Variants in GNB1L observed in about 807,000 individuals in gnomAD.
GNB1L encodes guanine nucleotide-binding protein subunit beta-like protein 1.
Under a neutral mutation model 29.1 loss-of-function variants are expected in GNB1L, and 20 were observed. That is an observed-to-expected ratio of 0.69 (90% CI 0.48 to 1.00). The LOEUF (loss-of-function observed/expected upper bound fraction) is 1.00, where lower values mean the gene tolerates loss of function less well. GNB1L is among the 50% of genes least tolerant of loss of function. The probability of loss-of-function intolerance (pLI) is 0.00; values close to 1 mark genes in which losing one functional copy is unlikely to be tolerated. For missense variants in GNB1L, 421 were observed against 464.9 expected (o/e 0.91, Z 0.87); for synonymous variants, 193 against 206.5 (o/e 0.93, Z 0.56).
At chr22:19,849,655 C>T (rs1601356316) in intron 2 of GNB1L, 1 of 984,120 alleles carries the variant, frequency 1.0e-6, no homozygotes, top group East Asian at 1.1e-4. Context: ...GTGTGAGACA[C>T]TGCTCCCGGC....
chr22:19,798,890 A>G (rs898807000), intron 7 of GNB1L, among the ~76,000 whole-genome samples: 2 of 152,224 alleles, frequency 1.3e-5, no homozygotes, highest in African/African-American at 4.8e-5. Context: ...GACAGCAGCC[A>G]GGGCCCTGCA....
At chr22:19,822,636 C>G (rs955546066) in intron 2 of GNB1L, among the ~76,000 whole-genome samples, 1 of 152,222 alleles carries the variant, frequency 6.6e-6, no homozygotes, top group South Asian at 2.1e-4. Flanking sequence ...GGGGCAGGCC[C>G]CGGCCCAGCC....
chr22:19,809,775 T>G (rs988241026), intron 5 of GNB1L, among the ~76,000 whole-genome samples: 1 of 152,198 alleles, frequency 6.6e-6, no homozygotes, highest in African/African-American at 2.4e-5. Context: ...TTTCCCCATA[T>G]TAAATTGAGA....
Position 19,786,900 on chromosome 22 carries a change from G to A in GNB1L, c.*1809C>T, listed in dbSNP as rs758385376. 1.3e-5 allele frequency: 2 copies of A among 152,210 alleles called. No individual in the cohort carries two copies. The highest frequency in any genetic ancestry group is 4.8e-5 in the African/African-American group (2 of 41,412). The allele number at this position is 152,210 out of a possible 1,614,324, so 9.4% of individuals were successfully genotyped here. A position where few individuals can be genotyped will look rare whatever the true frequency, so the allele number is the denominator to read the frequency against. ...GCATCCTGGCGGCTATAGGACACTCGAGGAAAAGCAGCAGGGCCCCCCTCT... is the reference window on the plus strand; with the variant it reads ...GCATCCTGGCGGCTATAGGACACTCAAGGAAAAGCAGCAGGGCCCCCCTCT... On this transcript the variant is annotated 3_prime_UTR_variant, in exon 8 of 8. Coordinates refer to ENST00000329517, the MANE Select transcript of GNB1L (RefSeq NM_053004.3).
chr22:19,818,884 A>G lies in GNB1L; in HGVS notation c.254+1714T>C, dbSNP rs143901416. On this transcript the variant is annotated intron_variant, in intron 4 of 7. Coordinates refer to ENST00000329517, the MANE Select transcript of GNB1L (RefSeq NM_053004.3). The stretch of plus-strand genomic sequence containing the variant: ...CCTGCTCCAGCATCCAGGCAGCCCA[A>G]AGGAGGACTTGTTGTCAGCCCCCTG... Among the ~76,000 whole-genome samples, 3 of 152,198 alleles carry G rather than the reference A, an allele frequency of 2.0e-5. No individual in the cohort carries two copies. In the East Asian group the frequency reaches 5.8e-4, roughly 29 times the overall value.
intron 4 of GNB1L, among the ~76,000 whole-genome samples, chr22:19,817,752 G>A (rs953866970): frequency 6.6e-6 from 1 of 152,236 alleles, no homozygotes; most frequent in African/African-American, 2.4e-5. Context: ...CAGCAGCTCA[G>A]GGATTCAGAG....
intron 6 of GNB1L, among the ~76,000 whole-genome samples, chr22:19,804,478 A>G (rs951827336): frequency 6.6e-6 from 1 of 152,254 alleles, no homozygotes; most frequent in African/African-American, 2.4e-5. Flanking sequence ...CCTTTTATAT[A>G]TTAATAGCAA....
rs549025524 is a variant in GNB1L at position 19,838,459 on chromosome 22, A to T, written c.-21+15984T>A. On this transcript the variant is annotated intron_variant, in intron 2 of 7. Coordinates refer to ENST00000329517, the MANE Select transcript of GNB1L (RefSeq NM_053004.3). ...GAGTATGGCAGTTTCTTATTTATTTATTTTTTTATTTTTATTTTTATTTTT... is the reference window on the plus strand; with the variant it reads ...GAGTATGGCAGTTTCTTATTTATTTTTTTTTTTATTTTTATTTTTATTTTT... Among the ~76,000 whole-genome samples, 26 of 146,750 alleles carry T rather than the reference A, an allele frequency of 1.8e-4. No individual in the cohort carries two copies. The East Asian group carries it at 2.8e-3, about 16-fold the overall frequency.
Position 19,784,284 on chromosome 22 carries a change from G to C in GNB1L, c.*4425C>G, listed in dbSNP as rs1368183840. The stretch of plus-strand genomic sequence containing the variant: ...ATCATTGCCTGGGGAGTGGAGACAC[G>C]CACAGCACGTCAACATGGAGCGCCC... On this transcript the variant is annotated 3_prime_UTR_variant, in exon 8 of 8. Transcript: ENST00000329517. 1 of 152,208 alleles carries C rather than the reference G, an allele frequency of 6.6e-6. No individual in the cohort carries two copies. Among genetic ancestry groups the C allele is most frequent in the Admixed American group, 6.5e-5 (1 of 15,286 alleles). 9.4% of individuals were successfully genotyped at this position (152,208 alleles called of 1,614,324 possible). A position where few individuals can be genotyped will look rare whatever the true frequency, so the allele number is the denominator to read the frequency against.
intron 7 of GNB1L, among the ~76,000 whole-genome samples, chr22:19,791,624 G>A (rs1337076233): frequency 6.6e-6 from 1 of 152,186 alleles, no homozygotes; most frequent in African/African-American, 2.4e-5. Context: ...GTCTGAGGGG[G>A]TCCCTATGAG....
At chr22:19,794,800 G>T (rs1307255727) in intron 7 of GNB1L, among the ~76,000 whole-genome samples, 1 of 152,124 alleles carries the variant, frequency 6.6e-6, no homozygotes, top group Non-Finnish European at 1.5e-5. Context: ...GGACAACATG[G>T]TGAAACCCTG....
At chr22:19,839,618 C>T (rs1204443695) in intron 2 of GNB1L, among the ~76,000 whole-genome samples, 1 of 151,988 alleles carries the variant, frequency 6.6e-6, no homozygotes, top group Non-Finnish European at 1.5e-5. Context: ...ATGGCTCACA[C>T]CTGTAATCCC....
At chr22:19,851,452 G>T in intron 2 of GNB1L, 1 of 1,614,110 alleles carries the variant, frequency 6.2e-7, no homozygotes, top group East Asian at 2.2e-5. Context: ...GCAGGACTGG[G>T]GGCTCCTTGG....
chr22:19,793,978 GT>G (rs1316071538), intron 7 of GNB1L, among the ~76,000 whole-genome samples: 6 of 151,816 alleles, frequency 4.0e-5, no homozygotes, highest in South Asian at 4.2e-4. Context: ...TTTCTTGTAA[GT>G]TTTTTTTTAA....
At chr22:19,846,565 G>A (rs540530746) in intron 2 of GNB1L, 4 of 985,308 alleles carry the variant, frequency 4.1e-6, no homozygotes, top group African/African-American at 1.7e-5. Flanking sequence ...AGCCTATCGC[G>A]GGCACCGCTG....
intron 2 of GNB1L, among the ~76,000 whole-genome samples, chr22:19,836,724 A>G (rs1937770151): frequency 6.6e-6 from 1 of 152,232 alleles, no homozygotes; most frequent in Non-Finnish European, 1.5e-5. Flanking sequence ...AATACACTGG[A>G]GCCAACTGGC....
intron 2 of GNB1L, among the ~76,000 whole-genome samples, chr22:19,827,003 G>A (rs1181805062): frequency 4.6e-5 from 7 of 152,136 alleles, no homozygotes; most frequent in Non-Finnish European, 1.0e-4. Context: ...AAAGGGGCAT[G>A]ATGACCAAAC....
chr22:19,793,522 G>C (rs955609885), intron 7 of GNB1L, among the ~76,000 whole-genome samples: 1 of 152,066 alleles, frequency 6.6e-6, no homozygotes, highest in African/African-American at 2.4e-5. Context: ...AGAAACAGTG[G>C]CTGGATATTT....
chr22:19,851,985 T>A, intron 2 of GNB1L: 1 of 1,614,170 alleles, frequency 6.2e-7, no homozygotes, highest in Non-Finnish European at 8.5e-7. Context: ...AAGTCCACCC[T>A]GTGGGGTCGG....
Sources: gnomAD v4.1 joint callset for allele counts (sites outside exome capture counted in the v4.1 genomes callset) on GRCh38, gnomAD v4.1.1 for gene constraint, MANE v1.5 for transcripts, NCBI Gene and HGNC (gene_info 2026-07-23, HGNC 2026-07-21) for gene names.